Variants in SUGCT observed in about 807,000 individuals in gnomAD.
The protein encoded by SUGCT is succinyl-CoA:glutarate CoA-transferase.
In SUGCT, 41 loss-of-function variants were observed where a neutral mutation model predicts 55.0. The observed-to-expected ratio is 0.74, with a 90% confidence interval of 0.58 to 0.97. The LOEUF is 0.97. Among genes scored for constraint, SUGCT ranks in the 50% least tolerant of loss-of-function variants. The pLI is 0.00. For missense variants in SUGCT, 568 were observed against 547.8 expected, an observed-to-expected ratio of 1.04 and a Z score of -0.37; for synonymous variants, 187 against 200.4, an observed-to-expected ratio of 0.93 and a Z score of 0.56.
chr7:40,926,099 T>TA, the SUGCT span, among the ~76,000 whole-genome samples: 2,028 of 146,132 alleles, frequency 0.014, 19 homozygotes, highest in Non-Finnish European at 0.02. Context: ...AGTTCCTGTT[T>TA]AAAAAAAAAA....
At chr7:40,218,246 G>T (rs549731076) in intron 6 of SUGCT, among the ~76,000 whole-genome samples, 1 of 152,270 alleles carries the variant, frequency 6.6e-6, no homozygotes, top group East Asian at 1.9e-4. Flanking sequence ...AGAATAAAGG[G>T]AGTGAAAGCA....
intron 13 of SUGCT, among the ~76,000 whole-genome samples, chr7:40,806,998 T>G (rs912949911): frequency 6.6e-6 from 1 of 152,194 alleles, no homozygotes; most frequent in Non-Finnish European, 1.5e-5. Context: ...CTACCCACCT[T>G]CTAAAGTTGT....
intron 9 of SUGCT, among the ~76,000 whole-genome samples, chr7:40,391,659 A>G (rs1202908272): frequency 6.6e-6 from 1 of 152,196 alleles, no homozygotes; most frequent in Non-Finnish European, 1.5e-5. Flanking sequence ...GATGTGGAGA[A>G]ATAGGAACAC....
intron 12 of SUGCT, among the ~76,000 whole-genome samples, chr7:40,640,973 G>A (rs1800244783): frequency 6.6e-6 from 1 of 152,178 alleles, no homozygotes; most frequent in Non-Finnish European, 1.5e-5. Flanking sequence ...ACATTTTGGT[G>A]TTTTACTATT....
chr7:41,031,129 T>C, the SUGCT span, among the ~76,000 whole-genome samples: 1 of 152,220 alleles, frequency 6.6e-6, no homozygotes, highest in East Asian at 1.9e-4. Context: ...GCTGGCCTAA[T>C]TTTTAAATTT....
chr7:40,744,656 A>G (rs1385129340), intron 12 of SUGCT, among the ~76,000 whole-genome samples: 1 of 152,214 alleles, frequency 6.6e-6, no homozygotes, highest in African/African-American at 2.4e-5. Flanking sequence ...AGTAGAGGTG[A>G]AGATAATAAT....
At chr7:40,555,042 GT>G (rs1251667862) in intron 12 of SUGCT, among the ~76,000 whole-genome samples, 1 of 152,118 alleles carries the variant, frequency 6.6e-6, no homozygotes, top group Admixed American at 6.5e-5. Context: ...CTGCTCAACA[GT>G]TTTTTCTGTA....
chr7:40,840,780 A>G (rs1349024295), intron 13 of SUGCT, among the ~76,000 whole-genome samples: 1 of 134,254 alleles, frequency 7.4e-6, no homozygotes, highest in Non-Finnish European at 1.6e-5. Context: ...CTTAAAAAAA[A>G]GTTAATAATA....
At chr7:40,548,492 C>T (rs1433778531) in intron 12 of SUGCT, among the ~76,000 whole-genome samples, 1 of 152,078 alleles carries the variant, frequency 6.6e-6, no homozygotes, top group African/African-American at 2.4e-5. Flanking sequence ...ACTATGGCAC[C>T]CAACTTTTTC....
At chr7:40,210,630 G>A (rs746123862) in intron 6 of SUGCT, among the ~76,000 whole-genome samples, 4 of 152,112 alleles carry the variant, frequency 2.6e-5, no homozygotes, top group Non-Finnish European at 5.9e-5. Context: ...CAGATGGAAC[G>A]ATGGTGAGCG....
chr7:40,181,851 C>T (rs1417541004), intron 2 of SUGCT, 104 bp from the exon 3 acceptor site: 1 of 681,330 alleles, frequency 1.5e-6, no homozygotes, highest in African/African-American at 1.8e-5. Context: ...TTGATTCTTA[C>T]TAGGATTATA....
At chr7:40,556,095 A>T (rs1249269248) in intron 12 of SUGCT, among the ~76,000 whole-genome samples, 1 of 152,118 alleles carries the variant, frequency 6.6e-6, no homozygotes, top group Non-Finnish European at 1.5e-5. Flanking sequence ...AGTGCCTTAG[A>T]TGCAATACAT....
At chr7:40,378,546 C>G (rs894249000) in intron 9 of SUGCT, among the ~76,000 whole-genome samples, 2 of 152,186 alleles carry the variant, frequency 1.3e-5, no homozygotes, top group African/African-American at 4.8e-5. Context: ...TGTCCCAGCT[C>G]ACTGCAATCC....
chr7:40,511,047 A>G (rs545296762), intron 12 of SUGCT, among the ~76,000 whole-genome samples: 1 of 152,308 alleles, frequency 6.6e-6, no homozygotes, highest in South Asian at 2.1e-4. Flanking sequence ...AATATTTTAG[A>G]TAGAGTGCTG....
At chr7:40,797,479 T>A (rs528535113) in intron 13 of SUGCT, among the ~76,000 whole-genome samples, 1 of 152,336 alleles carries the variant, frequency 6.6e-6, no homozygotes, top group Admixed American at 6.5e-5. Flanking sequence ...TAGTTGGAAA[T>A]GACAGTCATC....
intron 13 of SUGCT, among the ~76,000 whole-genome samples, chr7:40,816,606 C>T (rs902603812): frequency 3.9e-5 from 6 of 152,154 alleles, no homozygotes; most frequent in African/African-American, 1.4e-4. Flanking sequence ...CCAGTAGATT[C>T]CTATTTTCCT....
At chr7:40,786,818 C>G (rs1790040214) in intron 13 of SUGCT, among the ~76,000 whole-genome samples, 1 of 152,094 alleles carries the variant, frequency 6.6e-6, no homozygotes, top group African/African-American at 2.4e-5. Context: ...TGTTTTGGAT[C>G]ATTAAGAATT....
intron 13 of SUGCT, among the ~76,000 whole-genome samples, chr7:40,812,130 CT>C (rs1481259342): frequency 6.6e-6 from 1 of 152,070 alleles, no homozygotes; most frequent in African/African-American, 2.4e-5. Context: ...GGCAAATTAA[CT>C]TTTTTTGTGT....
At chr7:40,449,813 T>A (rs1489386445) in intron 10 of SUGCT, among the ~76,000 whole-genome samples, 1 of 152,200 alleles carries the variant, frequency 6.6e-6, no homozygotes, top group East Asian at 1.9e-4. Context: ...AAACTTTTTT[T>A]CAACTTAACC....
Sources: gnomAD v4.1 joint callset for allele counts (sites outside exome capture counted in the v4.1 genomes callset) on GRCh38, gnomAD v4.1.1 for gene constraint, MANE v1.5 for transcripts, NCBI Gene and HGNC (gene_info 2026-07-23, HGNC 2026-07-21) for gene names.